CNTNAP5: variants seen among roughly 807,000 people sequenced by gnomAD.
The protein encoded by CNTNAP5 is contactin-associated protein-like 5.
A neutral mutation model predicts 150.2 loss-of-function variants in CNTNAP5; 72 were observed. The observed-to-expected ratio is 0.48, with a 90% CI of 0.40 to 0.58. The LOEUF (loss-of-function observed/expected upper bound fraction) is 0.58, where lower values mean the gene tolerates loss of function less well. Among genes scored for constraint, CNTNAP5 ranks in the 20% least tolerant of loss-of-function variants. The pLI, the probability that CNTNAP5 is intolerant of heterozygous loss-of-function variation, is 0.00. For synonymous variants in CNTNAP5, 672 were observed against 619.8 expected (o/e 1.08, Z -1.25); for missense variants, 1,636 against 1,626.2 (o/e 1.01, Z -0.10).
intron 21 of CNTNAP5, among the ~76,000 whole-genome samples, chr2:124,895,378 C>A (rs1476283370): frequency 6.6e-6 from 1 of 151,584 alleles, no homozygotes; most frequent in African/African-American, 2.4e-5. Context: ...GTAATCCCAG[C>A]ACTTTAGAAT....
chr2:124,305,107 A>C (rs532938841), intron 3 of CNTNAP5, among the ~76,000 whole-genome samples: 66 of 134,432 alleles, frequency 4.9e-4, no homozygotes, highest in Admixed American at 4.8e-3. Flanking sequence ...CTGTACAAAA[A>C]ATACAAAAAA....
chr2:124,673,128 C>G (rs1162635153), intron 13 of CNTNAP5, among the ~76,000 whole-genome samples: 5 of 152,002 alleles, frequency 3.3e-5, no homozygotes, highest in Non-Finnish European at 7.4e-5. Flanking sequence ...TGCTAGTAAA[C>G]CTGGCAAATA....
chr2:124,638,905 T>C (rs534409511), intron 12 of CNTNAP5, among the ~76,000 whole-genome samples: 2 of 152,330 alleles, frequency 1.3e-5, no homozygotes, highest in South Asian at 4.1e-4. Flanking sequence ...TTAACAATGC[T>C]TTATTCGATC....
At chr2:124,824,242 C>T (rs1025233480) in intron 19 of CNTNAP5, among the ~76,000 whole-genome samples, 4 of 151,898 alleles carry the variant, frequency 2.6e-5, no homozygotes, top group African/African-American at 9.7e-5. Context: ...GATGAGTGAC[C>T]ATGCTCTTTC....
chr2:124,893,798 A>G (rs1415663050), intron 21 of CNTNAP5, among the ~76,000 whole-genome samples: 1 of 152,088 alleles, frequency 6.6e-6, no homozygotes, highest in African/African-American at 2.4e-5. Context: ...TTCCAAATTG[A>G]TAACAGCCAA....
intron 1 of CNTNAP5, among the ~76,000 whole-genome samples, chr2:124,116,515 C>A (rs926931211): frequency 6.6e-6 from 1 of 152,184 alleles, no homozygotes; most frequent in African/African-American, 2.4e-5. Flanking sequence ...AGGTGAGCTT[C>A]GTTGTTTCCT....
rs570254851 is a variant in CNTNAP5 at position 124,763,968 on chromosome 2, C to A, written c.2363-9C>A. The A allele has an allele frequency of 4.4e-6, 7 of 1,608,390 alleles. No individual in the cohort carries two copies. The East Asian group carries it at 6.7e-5, about 15-fold the overall frequency. On this transcript the variant is annotated splice_polypyrimidine_tract_variant and intron_variant, in intron 15 of 23. Transcript: ENST00000682447. ...GATAAACCATGTTGAAGGATTTTCT[C>A]ATTTGCAGGACGCTTCTGGAACGCC...
chr2:124,399,138 A>G (rs867573007), intron 3 of CNTNAP5, among the ~76,000 whole-genome samples: 1 of 152,130 alleles, frequency 6.6e-6, no homozygotes, highest in African/African-American at 2.4e-5. Flanking sequence ...TCAACTGCTC[A>G]TTTTCCCTAG....
intron 1 of CNTNAP5, among the ~76,000 whole-genome samples, chr2:124,179,094 G>A (rs879658490): frequency 1.3e-5 from 2 of 151,614 alleles, no homozygotes; most frequent in Non-Finnish European, 2.9e-5. Flanking sequence ...CACCCAGCCC[G>A]TGACCCTGGC....
intron 19 of CNTNAP5, among the ~76,000 whole-genome samples, chr2:124,817,625 C>T (rs1308644298): frequency 1.3e-5 from 2 of 152,148 alleles, no homozygotes; most frequent in South Asian, 2.1e-4. Context: ...CAGGAGTCAT[C>T]GTGTCCCAGC....
rs751822522 is a variant in CNTNAP5 at position 124,899,113 on chromosome 2, G to A, written c.3437-3769G>A. Among the ~76,000 whole-genome samples the A allele has an allele frequency of 1.7e-4, 26 of 151,446 alleles. 1 individual carries two copies. The highest frequency in any genetic ancestry group is 5.4e-4 in the African/African-American group (22 of 40,860). On this transcript the variant is annotated intron_variant, in intron 21 of 23. Transcript: ENST00000682447. ...CATCTTGACTTAGCCATTCTACAATGTATGCATATATCAAAACATCATGTT... is the reference window on the plus strand; with the variant it reads ...CATCTTGACTTAGCCATTCTACAATATATGCATATATCAAAACATCATGTT...
chr2:124,767,778 G>A (rs1034058164), intron 16 of CNTNAP5, among the ~76,000 whole-genome samples: 17 of 152,158 alleles, frequency 1.1e-4, no homozygotes, highest in African/African-American at 3.4e-4. Flanking sequence ...GACTGGCTTC[G>A]TTTATGGTTG....
chr2:124,602,308 C>T (rs1294514747), intron 11 of CNTNAP5, among the ~76,000 whole-genome samples: 17 of 140,182 alleles, frequency 1.2e-4, no homozygotes, highest in African/African-American at 4.3e-4. Flanking sequence ...TGCCACTGCA[C>T]TCCAGCCTGG....
chr2:124,868,921 T>C (rs1558807123), intron 20 of CNTNAP5, among the ~76,000 whole-genome samples: 2 of 152,086 alleles, frequency 1.3e-5, no homozygotes, highest in Non-Finnish European at 2.9e-5. Flanking sequence ...CAGTAGGATA[T>C]GGCTAGCCTG....
intron 1 of CNTNAP5, among the ~76,000 whole-genome samples, chr2:124,072,806 G>A (rs1383549205): frequency 6.6e-6 from 1 of 151,918 alleles, no homozygotes; most frequent in African/African-American, 2.4e-5. Context: ...CAGATTCAAT[G>A]CAATCCTTAT....
intron 3 of CNTNAP5, among the ~76,000 whole-genome samples, chr2:124,321,666 A>G (rs895599694): frequency 1.3e-5 from 2 of 152,150 alleles, no homozygotes; most frequent in African/African-American, 4.8e-5. Flanking sequence ...GGTCTAGAAA[A>G]TGTATTTTTC....
At chr2:124,419,951 T>TC (rs1271824784) in intron 4 of CNTNAP5, among the ~76,000 whole-genome samples, 22 of 124,784 alleles carry the variant, frequency 1.8e-4, no homozygotes, top group South Asian at 2.9e-4. Flanking sequence ...TTTCTTTCTT[T>TC]CTTTCCTTTT....
intron 1 of CNTNAP5, among the ~76,000 whole-genome samples, chr2:124,082,281 G>A (rs188910426): frequency 1.1e-4 from 16 of 150,362 alleles, no homozygotes; most frequent in Admixed American, 8.0e-4. Context: ...CCCGGGAGGC[G>A]GAGGTTGCAG....
At chr2:124,471,132 A>G (rs2104830158) in intron 6 of CNTNAP5, among the ~76,000 whole-genome samples, 1 of 152,320 alleles carries the variant, frequency 6.6e-6, no homozygotes, top group South Asian at 2.1e-4. Flanking sequence ...TTTAACAGGA[A>G]TAACATTGAA....
Sources: gnomAD v4.1 joint callset for allele counts (sites outside exome capture counted in the v4.1 genomes callset) on GRCh38, gnomAD v4.1.1 for gene constraint, MANE v1.5 for transcripts, NCBI Gene and HGNC (gene_info 2026-07-23, HGNC 2026-07-21) for gene names.